RFC2: variants seen among roughly 807,000 people sequenced by gnomAD.
RFC2 encodes A1 40 kDa subunit.
RFC2 carries 34 observed loss-of-function variants against 44.8 expected under a neutral mutation model. The observed-to-expected ratio is 0.76, with a 90% confidence interval of 0.58 to 1.01. The LOEUF is 1.01. Ranked by LOEUF, RFC2 falls within the 50% of genes least tolerant of loss-of-function variation. The probability of loss-of-function intolerance (pLI) is 0.00; values close to 1 mark genes in which losing one functional copy is unlikely to be tolerated. For missense variants in RFC2, 400 were observed against 453.6 expected, an observed-to-expected ratio of 0.88 and a Z score of 1.07; for synonymous variants, 177 against 168.9, an observed-to-expected ratio of 1.05 and a Z score of -0.37.
chr7:74,239,960 G>A lies in RFC2; in HGVS notation c.671C>T (p.Thr224Met), dbSNP rs781801010. 10 of 1,609,822 alleles carry A rather than the reference G, an allele frequency of 6.2e-6. No individual in the cohort carries two copies. The South Asian group carries it at 8.9e-5, about 14-fold the overall frequency. ...TACCTGCCTCATGTCTCCCTGGGCC[G>A]TGAAGATGATGGCTTCTAGGCCGTC... ...TDDGLEAIIF[T>M]AQGDMRQALN... The change falls in exon 7 of 11, where the codon ACG (threonine) becomes ATG (methionine). Residue 224 changes from threonine (T) to methionine (M), a missense_variant. Transcript: ENST00000055077.
At chr7:74,250,155 AC>A (rs113913982) in intron 2 of RFC2, among the ~76,000 whole-genome samples, 10,518 of 150,784 alleles carry the variant, frequency 0.07, 1,176 homozygotes, top group African/African-American at 0.24. Flanking sequence ...TGTCTCAAAA[AC>A]AAAAAAAAAA....
chr7:74,251,616 G>A (rs1295009415), intron 2 of RFC2, among the ~76,000 whole-genome samples: 7 of 151,596 alleles, frequency 4.6e-5, no homozygotes, highest in African/African-American at 1.2e-4. Context: ...TGGCCAACAC[G>A]GTGAAACCCC....
intron 6 of RFC2, 45 bp from the exon 7 acceptor site, chr7:74,240,140 G>C (rs1554719065): frequency 6.4e-7 from 1 of 1,560,822 alleles, no homozygotes; most frequent in East Asian, 2.3e-5. Context: ...GCAGAGGCCG[G>C]CATCATCCTG....
At chr7:74,243,479 A>T (rs1230457342) in intron 5 of RFC2, among the ~76,000 whole-genome samples, 1 of 151,986 alleles carries the variant, frequency 6.6e-6, no homozygotes, top group Non-Finnish European at 1.5e-5. Context: ...AAACTCACGA[A>T]AACCACGATC....
chr7:74,246,789 G>A lies in RFC2; in HGVS notation c.333-26C>T, dbSNP rs370069069. On this transcript the variant is annotated intron_variant, in intron 4 of 10. Transcript: ENST00000055077. ...CTGAAAGAATGACAGGTTTTTACTG[G>A]CACCTTCTGAGACCAATTCAGTTGC... The A allele has an allele frequency of 1.1e-4, 160 of 1,507,558 alleles. 1 individual carries two copies. The highest frequency in any genetic ancestry group is 5.1e-4 in the Middle Eastern group (3 of 5,910). The allele number at this position is 1,507,558 out of a possible 1,614,324, so 93.4% of individuals were successfully genotyped here.
intron 10 of RFC2, chr7:74,233,953 A>C (rs1802870006): frequency 2.2e-6 from 1 of 451,608 alleles, no homozygotes; most frequent in East Asian, 7.0e-5. Context: ...CTGGGAACTT[A>C]CTTGGGAAAA....
Position 74,237,354 on chromosome 7 carries a change from A to G in RFC2, c.840+8T>C. On this transcript the variant is annotated splice_region_variant and intron_variant, in intron 9 of 10. Transcript: ENST00000055077. ...TTCCTCTGCCAGGACGGGGGGAAGG[A>G]GGCCAACCTTGTAGGCTTCGTCAAT... The G allele has an allele frequency of 6.3e-7, 1 of 1,599,748 alleles. No homozygotes were observed. Among genetic ancestry groups the G allele is most frequent in the Non-Finnish European group, 8.5e-7 (1 of 1,172,982 alleles).
intron 10 of RFC2, among the ~76,000 whole-genome samples, chr7:74,235,089 T>G (rs911075104): frequency 7.9e-5 from 12 of 151,936 alleles, no homozygotes; most frequent in African/African-American, 2.7e-4. Context: ...CAGGCTGGAG[T>G]GCAGTGGTGC....
chr7:74,246,750 C>T lies in RFC2; in HGVS notation c.346G>A (p.Val116Met). Reference sequence around the variant, plus strand: ...GCAAACATTTTAATTTTATTCCTCACAACGTCAATGCCCCTGAAAGAATGA... The same window carrying T: ...GCAAACATTTTAATTTTATTCCTCATAACGTCAATGCCCCTGAAAGAATGA... ...NASNDRGIDV[V>M]RNKIKMFAQQ... Residue 116 changes from valine (V) to methionine (M), a missense_variant, in exon 5 of 11, where the codon GTG becomes ATG. Transcript: ENST00000055077. The T allele has an allele frequency of 1.2e-6, 2 of 1,610,746 alleles. No individual in the cohort carries two copies. The highest frequency in any genetic ancestry group is 1.7e-6 in the Non-Finnish European group (2 of 1,177,606).
At chr7:74,240,939 C>CA (rs1554719210) in intron 6 of RFC2, among the ~76,000 whole-genome samples, 1 of 151,120 alleles carries the variant, frequency 6.6e-6, no homozygotes, top group Non-Finnish European at 1.5e-5. Flanking sequence ...TTCTTTCTTT[C>CA]TTTTTTTTAC....
At chr7:74,232,970 T>C (rs1333402181) in intron 10 of RFC2, among the ~76,000 whole-genome samples, 1 of 151,774 alleles carries the variant, frequency 6.6e-6, no homozygotes, top group Non-Finnish European at 1.5e-5. Flanking sequence ...ATCCCAGCAT[T>C]CTGGGAGGCT....
chr7:74,243,092 A>G (rs1803427263), intron 6 of RFC2, 54 bp downstream of exon 6: 10 of 1,215,048 alleles, frequency 8.2e-6, no homozygotes, highest in Non-Finnish European at 1.2e-5. Context: ...ATAAAAAAGA[A>G]AAAAGCCCAG....
In RFC2 at chr7:74,252,454, T is replaced by C. The variant is rs373912606; in HGVS notation, c.158A>G (p.Asn53Ser). ...CTCTAGCCTGCTCACGGTGTCTTCA[T>C]TCCCGACAATTTCATTCAGCTTTAC... Reference protein sequence around the residue: ...RPVKLNEIVGNEDTVSRLEVF... With the variant: ...RPVKLNEIVGSEDTVSRLEVF... Residue 53 changes from asparagine to serine, a missense_variant, in exon 2 of 11, where the codon AAT becomes AGT. By Grantham distance (46) the Asn-to-Ser change is conservative (BLOSUM62 1). Coordinates refer to ENST00000055077, the MANE Select transcript of RFC2 (RefSeq NM_181471.3). 12 of 1,606,950 alleles carry C rather than the reference T, an allele frequency of 7.5e-6. No individual in the cohort carries two copies. The African/African-American group carries it at 1.6e-4, about 22-fold the overall frequency.
chr7:74,245,029 ATT>A (rs1176222528), intron 5 of RFC2, among the ~76,000 whole-genome samples: 11 of 140,328 alleles, frequency 7.8e-5, no homozygotes, highest in Admixed American at 7.2e-5. Context: ...TGTCATTTCA[ATT>A]TTTTTTTTTT....
At chr7:74,253,138 G>A (rs1459219791) in intron 1 of RFC2, among the ~76,000 whole-genome samples, 4 of 151,954 alleles carry the variant, frequency 2.6e-5, no homozygotes, top group Non-Finnish European at 4.4e-5. Context: ...AAGAGGCCCA[G>A]CACATACAGC....
chr7:74,251,913 C>G (rs1413032647), intron 2 of RFC2, among the ~76,000 whole-genome samples: 13 of 145,076 alleles, frequency 9.0e-5, no homozygotes, highest in African/African-American at 3.1e-4. Context: ...CTGGCTAACA[C>G]GGTGAAACCC....
At chr7:74,242,216 G>C (rs1324408939) in intron 6 of RFC2, among the ~76,000 whole-genome samples, 2 of 152,174 alleles carry the variant, frequency 1.3e-5, no homozygotes, top group African/African-American at 4.8e-5. Context: ...AAGGTATCTG[G>C]AGAGCGACTG....
rs141355757 is a variant in RFC2 at position 74,243,476 on chromosome 7, C to T, written c.435-230G>A. ...CAGAACAACCCTCAAGTGAAACTCA[C>T]GAAAACCACGATCTACAAGGGCTGC... On this transcript the variant is annotated intron_variant, in intron 5 of 10. Transcript: ENST00000055077. Among the ~76,000 whole-genome samples, 180 of 152,166 alleles carry T rather than the reference C, an allele frequency of 1.2e-3. 2 individuals are homozygous for T. Among genetic ancestry groups the T allele is most frequent in the African/African-American group, 4.1e-3 (169 of 41,548 alleles).
rs187031180 is a variant in RFC2 at position 74,240,667 on chromosome 7, C to T, written c.536-572G>A. Among the ~76,000 whole-genome samples the T allele has an allele frequency of 4.2e-4, 64 of 152,332 alleles. 1 individual carries two copies. In the East Asian group the frequency reaches 0.012, roughly 29 times the overall value. On this transcript the variant is annotated intron_variant, in intron 6 of 10. Coordinates refer to ENST00000055077, the MANE Select transcript of RFC2 (RefSeq NM_181471.3). ...GGGAAATGATCCTCCAGTAGAAACA[C>T]ATCCATGTGCCTGCCACAAGCTGTT...
Sources: allele counts gnomAD v4.1 joint callset (sites outside exome capture counted in the v4.1 genomes callset), GRCh38; gene constraint gnomAD v4.1.1; transcripts MANE v1.5; gene names NCBI Gene and HGNC (gene_info 2026-07-23, HGNC 2026-07-21).